The following PPP2R3C variants were observed in gnomAD, a reference collection of about 807,000 sequenced individuals.
The protein encoded by PPP2R3C is serine/threonine-protein phosphatase 2A regulatory subunit B'' subunit gamma.
Under a neutral mutation model 63.7 loss-of-function variants are expected in PPP2R3C, and 47 were observed. The observed-to-expected ratio is 0.74, with a 90% CI of 0.58 to 0.94. PPP2R3C has a LOEUF of 0.94. PPP2R3C is among the 40% of genes least tolerant of loss of function. The pLI is 0.00. For synonymous variants in PPP2R3C, 180 were observed against 177.4 expected (o/e 1.01, Z -0.12); for missense variants, 421 against 518.4 (o/e 0.81, Z 1.82).
intron 12 of PPP2R3C, 116 bp from the exon 13 acceptor site, chr14:35,085,894 G>T (rs887266618): frequency 2.6e-6 from 2 of 759,974 alleles, no homozygotes; most frequent in Non-Finnish European, 4.0e-6. Context: ...AAAATTGAGG[G>T]CTGCCACTTG....
chr14:35,104,255 G>C (rs1416035397), intron 6 of PPP2R3C, among the ~76,000 whole-genome samples: 1 of 151,734 alleles, frequency 6.6e-6, no homozygotes, highest in Admixed American at 6.6e-5. Flanking sequence ...TTCTCAAGTT[G>C]GTCTGAACCT....
chr14:35,093,169 C>T (rs112202162), intron 10 of PPP2R3C, among the ~76,000 whole-genome samples: 5 of 151,994 alleles, frequency 3.3e-5, no homozygotes, highest in African/African-American at 1.2e-4. Context: ...GCCGAGATCG[C>T]GCCACTGCAC....
At chr14:35,101,653 A>G (rs1187998809) in intron 6 of PPP2R3C, 1 of 152,178 alleles carries the variant, frequency 6.6e-6, no homozygotes, top group African/African-American at 2.4e-5. Context: ...TTGATAGGGG[A>G]AAAATGGCAA....
At chr14:35,105,696 TC>T (rs1432928964) in intron 6 of PPP2R3C, among the ~76,000 whole-genome samples, 1 of 152,094 alleles carries the variant, frequency 6.6e-6, no homozygotes, top group Non-Finnish European at 1.5e-5. Context: ...AAAAACCTGT[TC>T]CCTTTGCTCT....
At chr14:35,108,479 C>CACAT (rs761132158) in intron 4 of PPP2R3C, among the ~76,000 whole-genome samples, 2 of 151,038 alleles carry the variant, frequency 1.3e-5, no homozygotes, top group South Asian at 4.2e-4. Context: ...CTGAGGCAGG[C>CACAT]ACATCATGAG....
At chr14:35,087,166 C>A (rs1456895960) in intron 12 of PPP2R3C, 1 of 151,944 alleles carries the variant, frequency 6.6e-6, no homozygotes, top group Non-Finnish European at 1.5e-5. Context: ...ATATAGAAGA[C>A]CTCCTTCTAT....
intron 2 of PPP2R3C, among the ~76,000 whole-genome samples, chr14:35,115,941 G>T (rs1023958689): frequency 3.9e-5 from 6 of 151,912 alleles, no homozygotes; most frequent in Admixed American, 6.6e-5. Context: ...AATTCTTTAG[G>T]TTTTCCATAA....
intron 5 of PPP2R3C, 86 bp from the exon 6 acceptor site, chr14:35,107,460 A>C: frequency 9.5e-7 from 1 of 1,051,486 alleles, no homozygotes; most frequent in Non-Finnish European, 1.5e-6. Context: ...ATTTGAGACA[A>C]GCTAATCTAG....
In PPP2R3C at chr14:35,108,181, T is replaced by C; in HGVS notation, c.460A>G (p.Arg154Gly). The change falls in exon 5 of 13, where the codon AGA (arginine) becomes GGA (glycine). Residue 154 changes from arginine (R) to glycine (G), a missense_variant. Arg to Gly is a moderately radical substitution (Grantham distance 125). Transcript: ENST00000261475. Reference protein sequence around the residue: ...AKLLHTDSYGRISIMQFFNYV... With the variant: ...AKLLHTDSYGGISIMQFFNYV... ...TTAAAGAACTGCATGATGGAAATTC[T>C]TCCATATGAATCTGTATGAAGGAGT... 6.2e-7 allele frequency: 1 copy of C among 1,605,650 alleles called. No homozygotes were observed. Among genetic ancestry groups the C allele is most frequent in the Non-Finnish European group, 8.5e-7 (1 of 1,177,828 alleles).
intron 6 of PPP2R3C, 50 bp from the exon 7 acceptor site, chr14:35,099,434 G>T: frequency 6.5e-7 from 1 of 1,545,646 alleles, no homozygotes; most frequent in South Asian, 1.3e-5. Context: ...TGATTCATTA[G>T]ATATTAGAAT....
In PPP2R3C at chr14:35,092,942, TC is replaced by T. The variant is rs567011472; in HGVS notation, c.976-1736del. On this transcript the variant is annotated intron_variant, in intron 10 of 12. Transcript: ENST00000261475. ...AAGACATGAAGAGAACAGAAAGCCT[TC>T]CCTATAAAAACAGGATACGCACTTC... Among the ~76,000 whole-genome samples, 593 of 152,052 alleles carry T rather than the reference TC, an allele frequency of 3.9e-3. 4 individuals carry two copies. The highest frequency in any genetic ancestry group is 0.014 in the African/African-American group (567 of 41,476).
Position 35,087,951 on chromosome 14 carries a change from C to T in PPP2R3C, c.1173G>A (p.Lys391=). 1 of 1,589,252 alleles carries T rather than the reference C, an allele frequency of 6.3e-7. No homozygotes were observed. Among genetic ancestry groups the T allele is most frequent in the Non-Finnish European group, 8.6e-7 (1 of 1,157,712 alleles). Residue 391 remains lysine, a splice_region_variant and synonymous_variant, in exon 12 of 13, where the codon AAG becomes AAA. Transcript: ENST00000261475. ...GQDPVSFQDV[K]DEIFDMVKPK... ...TACGTAAATTAAAGGAAAAGATAAC[C>T]TTGACATCTTGAAATGAAACAGGAT...
chr14:35,121,866 G>A (rs777076182), intron 1 of PPP2R3C, 36 bp downstream of exon 1: 10 of 1,611,754 alleles, frequency 6.2e-6, no homozygotes, highest in Middle Eastern at 1.6e-4. Flanking sequence ...GTTTAGGGCC[G>A]GGCCATCCCA....
At chr14:35,106,712 G>C (rs538938044) in intron 6 of PPP2R3C, among the ~76,000 whole-genome samples, 6 of 147,190 alleles carry the variant, frequency 4.1e-5, no homozygotes, top group African/African-American at 1.5e-4. Flanking sequence ...TTGTTGCCCA[G>C]GCTGGAGTGC....
At chr14:35,120,481 G>A (rs958524788) in intron 1 of PPP2R3C, among the ~76,000 whole-genome samples, 2 of 151,714 alleles carry the variant, frequency 1.3e-5, no homozygotes, top group African/African-American at 4.8e-5. Context: ...TGCTGACCTC[G>A]TGATCCGCCC....
intron 11 of PPP2R3C, among the ~76,000 whole-genome samples, chr14:35,090,507 A>G (rs1267314652): frequency 6.6e-6 from 1 of 152,060 alleles, no homozygotes; most frequent in Admixed American, 6.6e-5. Context: ...CCCTTTCTCA[A>G]AAAAAGAAAA....
chr14:35,112,167 G>A (rs1328099960), intron 2 of PPP2R3C, among the ~76,000 whole-genome samples: 1 of 152,198 alleles, frequency 6.6e-6, no homozygotes, highest in Non-Finnish European at 1.5e-5. Context: ...TATTATGTTG[G>A]CCTCCCAGGC....
chr14:35,105,798 T>C (rs1268872582), intron 6 of PPP2R3C, among the ~76,000 whole-genome samples: 1 of 152,244 alleles, frequency 6.6e-6, no homozygotes, highest in East Asian at 1.9e-4. Context: ...ACTATGTCTC[T>C]ATGTGAATAT....
chr14:35,100,179 T>A (rs1216203235), intron 6 of PPP2R3C: 1 of 152,212 alleles, frequency 6.6e-6, no homozygotes, highest in Non-Finnish European at 1.5e-5. Flanking sequence ...ATTATATCAT[T>A]GCATAGATGT....
Sources: allele counts gnomAD v4.1 joint callset (sites outside exome capture counted in the v4.1 genomes callset), GRCh38; gene constraint gnomAD v4.1.1; transcripts MANE v1.5; gene names NCBI Gene and HGNC (gene_info 2026-07-23, HGNC 2026-07-21).